Variants in PTPRT observed in about 807,000 individuals in gnomAD.
PTPRT encodes the protein receptor-type tyrosine-protein phosphatase T.
In PTPRT, 56 loss-of-function variants were observed where a neutral mutation model predicts 176.8. The observed-to-expected ratio is 0.32, with a 90% CI of 0.26 to 0.40. The LOEUF (loss-of-function observed/expected upper bound fraction) is 0.40, where lower values mean the gene tolerates loss of function less well. Among genes scored for constraint, PTPRT ranks in the 10% least tolerant of loss-of-function variants. The pLI is 1.00. For synonymous variants in PTPRT, 783 were observed against 739.0 expected, an observed-to-expected ratio of 1.06 and a Z score of -0.96; for missense variants, 1,540 against 1,908.2, an observed-to-expected ratio of 0.81 and a Z score of 3.60.
chr20:42,569,800 C>G lies in PTPRT; in HGVS notation c.1154-97238G>C, dbSNP rs16987055. 9.2e-3 allele frequency among the ~76,000 whole-genome samples: 1,398 copies of G among 152,260 alleles called. 25 individuals are homozygous for G. The highest frequency in any genetic ancestry group is 0.031 in the African/African-American group (1,295 of 41,546). On this transcript the variant is annotated intron_variant, in intron 7 of 30. Transcript: ENST00000373187. ...ACTTGTGTTCAAGGTCTCAAAAGTT[C>G]CCCCAAGAAGACGTTTATCATCATT...
In PTPRT at chr20:42,997,580, G is replaced by A. The variant is rs190892971; in HGVS notation, c.89-111648C>T. The stretch of plus-strand genomic sequence containing the variant: ...ACAAGCTCTTCCACTAAGCCCTGCC[G>A]AAAATGAATATGCATGAGCAAAATA... On this transcript the variant is annotated intron_variant, in intron 1 of 30. Transcript: ENST00000373187. Among the ~76,000 whole-genome samples, 158 of 152,202 alleles carry A rather than the reference G, an allele frequency of 1.0e-3. 1 individual carries two copies. The highest frequency in any genetic ancestry group is 7.2e-3 in the Admixed American group (110 of 15,292).
At chr20:42,725,009 TTGTGTGTGTG>T (rs147376328) in intron 6 of PTPRT, among the ~76,000 whole-genome samples, 16 of 133,958 alleles carry the variant, frequency 1.2e-4, no homozygotes, top group African/African-American at 4.0e-4. Flanking sequence ...TGGACATCTT[TTGTGTGTGTG>T]TGTGTGTGTG....
chr20:42,273,362 T>C (rs1020475969), intron 13 of PTPRT, among the ~76,000 whole-genome samples: 1 of 152,162 alleles, frequency 6.6e-6, no homozygotes, highest in Non-Finnish European at 1.5e-5. Context: ...ATTACAGGCA[T>C]GCACCACCAT....
chr20:42,837,681 C>T (rs947026811), intron 2 of PTPRT, among the ~76,000 whole-genome samples: 9 of 152,214 alleles, frequency 5.9e-5, no homozygotes, highest in Non-Finnish European at 1.2e-4. Context: ...GCTGGGTCCT[C>T]AGAGCCTATT....
intron 2 of PTPRT, among the ~76,000 whole-genome samples, chr20:42,862,168 C>A (rs1167965822): frequency 1.3e-5 from 2 of 152,068 alleles, no homozygotes; most frequent in Admixed American, 6.5e-5. Flanking sequence ...GAGTACATCT[C>A]AGTTTGAACT....
chr20:43,127,353 G>A (rs1362804222), intron 1 of PTPRT, among the ~76,000 whole-genome samples: 7 of 151,352 alleles, frequency 4.6e-5, no homozygotes, highest in Admixed American at 3.3e-4. Context: ...AACCTGGGAG[G>A]CGAAGCTTGT....
At position 43,181,587 on chromosome 20, in the gene PTPRT, T is replaced by C. The variant is rs556714737; in HGVS notation, c.88+8059A>G. On this transcript the variant is annotated intron_variant, in intron 1 of 30. Coordinates refer to ENST00000373187, the MANE Select transcript of PTPRT (RefSeq NM_007050.6). ...AATTCTTTTTAATTAGATTAATGAG[T>C]TATCCTATTCAAACTAACTTTACAA... 2.0e-5 allele frequency among the ~76,000 whole-genome samples: 3 copies of C among 152,154 alleles called. No individual in the cohort carries two copies. The East Asian group carries it at 5.8e-4, about 29-fold the overall frequency.
intron 26 of PTPRT, among the ~76,000 whole-genome samples, chr20:42,100,063 C>T (rs1013611541): frequency 6.6e-6 from 1 of 152,218 alleles, no homozygotes; most frequent in Non-Finnish European, 1.5e-5. Context: ...AATGAAAATA[C>T]TCTGACCCCG....
intron 2 of PTPRT, among the ~76,000 whole-genome samples, chr20:42,796,956 T>G (rs1211813365): frequency 2.0e-5 from 3 of 152,246 alleles, no homozygotes; most frequent in Admixed American, 2.0e-4. Context: ...TGTGGCCTCA[T>G]GTAATCCATG....
intron 11 of PTPRT, among the ~76,000 whole-genome samples, chr20:42,341,894 C>G (rs913335749): frequency 6.6e-6 from 1 of 152,176 alleles, no homozygotes; most frequent in Non-Finnish European, 1.5e-5. Flanking sequence ...CTTCCCCAAA[C>G]ACCTGTTTTT....
At chr20:42,603,497 T>C (rs911298667) in intron 7 of PTPRT, among the ~76,000 whole-genome samples, 1 of 152,010 alleles carries the variant, frequency 6.6e-6, no homozygotes, top group Non-Finnish European at 1.5e-5. Flanking sequence ...GCCAGGAGAA[T>C]AGAAGGAGAT....
At chr20:42,859,394 G>A (rs150046914) in intron 2 of PTPRT, among the ~76,000 whole-genome samples, 1 of 152,118 alleles carries the variant, frequency 6.6e-6, no homozygotes, top group Non-Finnish European at 1.5e-5. Flanking sequence ...CCTAAATATT[G>A]TACCAACTTG....
intron 9 of PTPRT, among the ~76,000 whole-genome samples, chr20:42,355,807 G>A (rs974411307): frequency 1.3e-5 from 2 of 152,088 alleles, no homozygotes; most frequent in African/African-American, 4.8e-5. Flanking sequence ...CAGACACTGG[G>A]AGGTAAAACT....
At chr20:42,549,607 T>C (rs181634030) in intron 7 of PTPRT, among the ~76,000 whole-genome samples, 1 of 152,306 alleles carries the variant, frequency 6.6e-6, no homozygotes, top group Admixed American at 6.5e-5. Flanking sequence ...TCATCTCACC[T>C]CCATGAAATA....
chr20:42,377,918 G>C (rs1156500), intron 9 of PTPRT, among the ~76,000 whole-genome samples: 129,499 of 152,200 alleles, frequency 0.85, 55,276 homozygotes, highest in East Asian at 0.94. Flanking sequence ...AATACAGCAG[G>C]AGCACCAATA....
At chr20:42,709,672 A>G (rs1318805046) in intron 6 of PTPRT, among the ~76,000 whole-genome samples, 1 of 152,212 alleles carries the variant, frequency 6.6e-6, no homozygotes, top group Non-Finnish European at 1.5e-5. Flanking sequence ...TTGCTATAAA[A>G]GTACCTGAAG....
chr20:42,475,733 T>C (rs944681924), intron 7 of PTPRT, among the ~76,000 whole-genome samples: 4 of 152,240 alleles, frequency 2.6e-5, no homozygotes, highest in Non-Finnish European at 5.9e-5. Flanking sequence ...CGCTGGCCTT[T>C]TGATCCCTGG....
chr20:42,169,057 C>T (rs1989960329), intron 16 of PTPRT, among the ~76,000 whole-genome samples: 1 of 152,104 alleles, frequency 6.6e-6, no homozygotes, highest in Non-Finnish European at 1.5e-5. Context: ...TAAAGCAAAC[C>T]CAATGGCCTG....
intron 1 of PTPRT, among the ~76,000 whole-genome samples, chr20:42,931,192 T>G (rs126630): frequency 7.0e-4 from 107 of 152,314 alleles, no homozygotes; most frequent in Non-Finnish European, 1.4e-3. Flanking sequence ...CCAGTGTCAC[T>G]ATATTTAAAG....
Sources: allele counts gnomAD v4.1 joint callset (sites outside exome capture counted in the v4.1 genomes callset), GRCh38; gene constraint gnomAD v4.1.1; transcripts MANE v1.5; gene names NCBI Gene and HGNC (gene_info 2026-07-23, HGNC 2026-07-21).